Variants in MCC observed in about 807,000 individuals in gnomAD.
The protein encoded by MCC is colorectal mutant cancer protein.
Under a neutral mutation model 116.2 loss-of-function variants are expected in MCC, and 90 were observed. The observed-to-expected ratio is 0.77, with a 90% confidence interval of 0.65 to 0.92. The LOEUF is 0.92. Among genes scored for constraint, MCC ranks in the 40% least tolerant of loss-of-function variants. MCC has a pLI of 0.00. For synonymous variants in MCC, 578 were observed against 510.5 expected (o/e 1.13, Z -1.78); for missense variants, 1,516 against 1,312.2 (o/e 1.16, Z -2.40).
chr5:113,054,947 C>A (rs893257454), intron 14 of MCC, among the ~76,000 whole-genome samples: 1 of 152,190 alleles, frequency 6.6e-6, no homozygotes, highest in East Asian at 1.9e-4. Flanking sequence ...CCACTCCACT[C>A]GGTTGAGGAC....
chr5:113,024,576 A>G lies in MCC; in HGVS notation c.*2726T>C, dbSNP rs901303986. 3 of 152,254 alleles carry G rather than the reference A, an allele frequency of 2.0e-5. No individual in the cohort carries two copies. Among genetic ancestry groups the G allele is most frequent in the African/African-American group, 4.8e-5 (2 of 41,470 alleles). 9.4% of individuals were successfully genotyped at this position (152,254 alleles called of 1,614,324 possible). A position where few individuals can be genotyped will look rare whatever the true frequency, so the allele number is the denominator to read the frequency against. ...ACTAAAAGGGGGTAACCACTGAGGA[A>G]ACTAGGGAGAACAATTCAAAATACG... On this transcript the variant is annotated 3_prime_UTR_variant, in exon 19 of 19. Transcript: ENST00000408903.
intron 1 of MCC, among the ~76,000 whole-genome samples, chr5:113,476,372 G>C (rs1772235070): frequency 1.3e-5 from 2 of 152,270 alleles, no homozygotes; most frequent in Middle Eastern, 3.4e-3. Flanking sequence ...AAGGACTTGA[G>C]AGTTCAGAAA....
rs1754122310 is a variant in MCC at position 113,072,710 on chromosome 5, T to C, written c.1785-1476A>G. On this transcript the variant is annotated intron_variant, in intron 11 of 18. Coordinates refer to ENST00000408903, the MANE Select transcript of MCC (RefSeq NM_001085377.2). ...CCATTCTCTTGGGGCTGTCCCGGGG[T>C]CCCCTCTGCTATCAACACTCCCACC... 2.0e-5 allele frequency among the ~76,000 whole-genome samples: 3 copies of C among 152,112 alleles called. No individual in the cohort carries two copies. In the South Asian group the frequency reaches 6.2e-4, roughly 32 times the overall value.
chr5:113,327,561 A>AAAAAAAAAAT (rs1480996383), intron 3 of MCC, among the ~76,000 whole-genome samples: 15 of 80,552 alleles, frequency 1.9e-4, no homozygotes, highest in East Asian at 1.1e-3. Context: ...AAAAAAAAAA[A>AAAAAAAAAAT]ATATATATAT....
At chr5:113,262,676 A>G (rs1341243640) in intron 3 of MCC, among the ~76,000 whole-genome samples, 1 of 152,188 alleles carries the variant, frequency 6.6e-6, no homozygotes, top group Non-Finnish European at 1.5e-5. Flanking sequence ...TGCAAATGGC[A>G]TCCAAACACA....
At position 113,074,515 on chromosome 5, in the gene MCC, C is replaced by G. The variant is rs572918563; in HGVS notation, c.1785-3281G>C. 3.3e-5 allele frequency among the ~76,000 whole-genome samples: 5 copies of G among 152,160 alleles called. 1 individual carries two copies. Among genetic ancestry groups the G allele is most frequent in the African/African-American group, 1.2e-4 (5 of 41,416 alleles). ...AGACAGCTCCTCGCCAGCAATGGAA[C>G]AAAGCTGGACAGAGAATGACTTTGA... On this transcript the variant is annotated intron_variant, in intron 11 of 18. Coordinates refer to ENST00000408903, the MANE Select transcript of MCC (RefSeq NM_001085377.2).
At chr5:113,479,242 C>T (rs139200634) in intron 1 of MCC, among the ~76,000 whole-genome samples, 1 of 152,256 alleles carries the variant, frequency 6.6e-6, no homozygotes, top group Non-Finnish European at 1.5e-5. Context: ...TGTATGATTC[C>T]ATTTATGTGA....
chr5:113,090,231 C>T (rs560798860), intron 8 of MCC, among the ~76,000 whole-genome samples: 10 of 151,902 alleles, frequency 6.6e-5, no homozygotes, highest in Non-Finnish European at 1.2e-4. Context: ...CAATAACAAA[C>T]GTGATTTGCA....
rs111850662 is a variant in MCC at position 113,482,529 on chromosome 5, G to A, written c.170+5716C>T. Among the ~76,000 whole-genome samples the A allele has an allele frequency of 1.6e-3, 241 of 152,192 alleles. 1 individual carries two copies. The highest frequency in any genetic ancestry group is 3.4e-3 in the Middle Eastern group (1 of 294). ...GGCTAATGATGTTGAGCATCTTTTC[G>A]TGTGCATATTGGCTATGTGTATGTC... On this transcript the variant is annotated intron_variant, in intron 1 of 18. Coordinates refer to ENST00000408903, the MANE Select transcript of MCC (RefSeq NM_001085377.2).
chr5:113,183,258 G>C (rs1413600974), intron 3 of MCC, among the ~76,000 whole-genome samples: 1 of 152,156 alleles, frequency 6.6e-6, no homozygotes, highest in Non-Finnish European at 1.5e-5. Flanking sequence ...GAAAATCTAA[G>C]CTGTGTGTGC....
intron 11 of MCC, among the ~76,000 whole-genome samples, chr5:113,077,314 C>T (rs1372162024): frequency 2.6e-5 from 4 of 152,194 alleles, no homozygotes; most frequent in South Asian, 4.1e-4. Flanking sequence ...ACCAAACAGG[C>T]ATCTACAGAA....
At chr5:113,475,920 A>T (rs1321434920) in intron 1 of MCC, among the ~76,000 whole-genome samples, 1 of 152,220 alleles carries the variant, frequency 6.6e-6, no homozygotes, top group African/African-American at 2.4e-5. Flanking sequence ...AAATGAAAAT[A>T]CTAATTCCTG....
At chr5:113,404,027 C>G (rs1769762238) in intron 1 of MCC, among the ~76,000 whole-genome samples, 1 of 152,122 alleles carries the variant, frequency 6.6e-6, no homozygotes, top group South Asian at 2.1e-4. Context: ...TCATCATGCC[C>G]AGCTAATTTT....
intron 4 of MCC, 72 bp from the exon 5 acceptor site, chr5:113,143,432 T>G: frequency 2.6e-6 from 4 of 1,561,278 alleles, no homozygotes; most frequent in Non-Finnish European, 3.5e-6. Context: ...CCAAGCTTTG[T>G]GGCCTTAAAC....
At chr5:113,285,333 C>T (rs147074027) in intron 3 of MCC, among the ~76,000 whole-genome samples, 148 of 148,872 alleles carry the variant, frequency 9.9e-4, no homozygotes, top group African/African-American at 3.4e-3. Flanking sequence ...CTACATCTCC[C>T]CCTGCCTACC....
chr5:113,296,653 C>G (rs1040497707), intron 3 of MCC, among the ~76,000 whole-genome samples: 2 of 152,070 alleles, frequency 1.3e-5, no homozygotes, highest in Non-Finnish European at 2.9e-5. Flanking sequence ...TGGTGTCAGA[C>G]AGTGAACAGT....
At chr5:113,101,174 C>T (rs929751636) in intron 8 of MCC, among the ~76,000 whole-genome samples, 2 of 152,248 alleles carry the variant, frequency 1.3e-5, no homozygotes, top group East Asian at 3.9e-4. Flanking sequence ...TCTGTAAACA[C>T]AGAGACACAC....
chr5:113,463,113 GA>G (rs1241727172), intron 1 of MCC, among the ~76,000 whole-genome samples: 1 of 152,184 alleles, frequency 6.6e-6, no homozygotes, highest in Non-Finnish European at 1.5e-5. Flanking sequence ...GCTAGATAGG[GA>G]GTGAGAGCAG....
chr5:113,232,206 T>C lies in MCC; in HGVS notation c.628-80784A>G, dbSNP rs561902614. 3.3e-5 allele frequency among the ~76,000 whole-genome samples: 5 copies of C among 152,288 alleles called. No homozygotes were observed. The East Asian group carries it at 9.6e-4, about 29-fold the overall frequency. The stretch of plus-strand genomic sequence containing the variant: ...AGAACAAGCATGAAAGTCACATCCA[T>C]CCACAGTGAAGTAGGAAAACAACAT... On this transcript the variant is annotated intron_variant, in intron 3 of 18. Coordinates refer to ENST00000408903, the MANE Select transcript of MCC (RefSeq NM_001085377.2).
Sources: gnomAD v4.1 joint callset for allele counts (sites outside exome capture counted in the v4.1 genomes callset) on GRCh38, gnomAD v4.1.1 for gene constraint, MANE v1.5 for transcripts, NCBI Gene and HGNC (gene_info 2026-07-23, HGNC 2026-07-21) for gene names.